The following LARS2 variants were observed in gnomAD, a reference collection of about 807,000 sequenced individuals.
LARS2 encodes leucyl-tRNA synthetase 2, mitochondrial, also known as leucine--tRNA ligase, mitochondrial.
A neutral mutation model predicts 116.6 loss-of-function variants in LARS2; 81 were observed. The observed-to-expected ratio is 0.69, with a 90% CI of 0.58 to 0.84. LARS2 has a LOEUF of 0.84. Ranked by LOEUF, LARS2 falls within the 40% of genes least tolerant of loss-of-function variation. LARS2 has a pLI of 0.00. For synonymous variants in LARS2, 396 were observed against 407.2 expected (o/e 0.97, Z 0.33); for missense variants, 968 against 1,114.5 (o/e 0.87, Z 1.87).
intron 19 of LARS2, 97 bp downstream of exon 19, chr3:45,520,393 A>C: frequency 1.3e-6 from 1 of 789,046 alleles, no homozygotes; most frequent in Non-Finnish European, 2.2e-6. Context: ...GAGCACCCCC[A>C]CTGTGTCACC....
At chr3:45,474,931 T>C (rs1320896969) in intron 9 of LARS2, among the ~76,000 whole-genome samples, 1 of 152,132 alleles carries the variant, frequency 6.6e-6, no homozygotes, top group Non-Finnish European at 1.5e-5. Context: ...AGCTTAGGGA[T>C]TGTGTTTGAA....
At chr3:45,512,240 T>A (rs572674188) in intron 15 of LARS2, among the ~76,000 whole-genome samples, 3 of 152,306 alleles carry the variant, frequency 2.0e-5, no homozygotes, top group African/African-American at 7.2e-5. Flanking sequence ...AAATGAGTGC[T>A]CCTACCTGAT....
intron 20 of LARS2, among the ~76,000 whole-genome samples, chr3:45,533,117 T>G: frequency 6.6e-6 from 1 of 151,244 alleles, no homozygotes; most frequent in East Asian, 1.9e-4. Flanking sequence ...GCTCTTTCAT[T>G]TAGCTTTGGT....
chr3:45,474,591 A>G (rs1699582231), intron 9 of LARS2, among the ~76,000 whole-genome samples: 1 of 152,240 alleles, frequency 6.6e-6, no homozygotes, highest in African/African-American at 2.4e-5. Flanking sequence ...GGCTCAATAA[A>G]AAATGATTTA....
chr3:45,517,547 C>T (rs1226341255), intron 17 of LARS2, among the ~76,000 whole-genome samples: 1 of 152,206 alleles, frequency 6.6e-6, no homozygotes, highest in African/African-American at 2.4e-5. Flanking sequence ...TCCAAAGCAC[C>T]ATGTTAACTC....
At chr3:45,426,584 A>G (rs1178428793) in intron 6 of LARS2, among the ~76,000 whole-genome samples, 2 of 152,160 alleles carry the variant, frequency 1.3e-5, no homozygotes, top group African/African-American at 4.8e-5. Flanking sequence ...GTTGACACAT[A>G]AGGGGTAGTG....
intron 10 of LARS2, among the ~76,000 whole-genome samples, chr3:45,481,396 T>C (rs1201510702): frequency 3.9e-5 from 6 of 152,236 alleles, no homozygotes; most frequent in Non-Finnish European, 5.9e-5. Context: ...GTAGAATTGC[T>C]GGGCCATGAA....
chr3:45,400,140 T>C, intron 3 of LARS2, 105 bp from the exon 4 acceptor site: 1 of 1,124,942 alleles, frequency 8.9e-7, no homozygotes, highest in Non-Finnish European at 1.2e-6. Context: ...AAAGGAAACT[T>C]TTAAAATGTT....
intron 1 of LARS2, 191 bp downstream of exon 1, chr3:45,388,871 C>A (rs373260201): frequency 6.6e-6 from 1 of 152,194 alleles, no homozygotes; most frequent in Non-Finnish European, 1.5e-5. Flanking sequence ...AGCCACCGAC[C>A]CCATTGATAG....
Position 45,449,404 on chromosome 3 carries a change from T to C in LARS2, c.606+2424T>C, listed in dbSNP as rs1438920331. ...CTTGAACTCCCAAACTCAGGTGATCTGCCCGCCTCAGCCTCCCAAAGTGCT... is the reference window on the plus strand; with the variant it reads ...CTTGAACTCCCAAACTCAGGTGATCCGCCCGCCTCAGCCTCCCAAAGTGCT... On this transcript the variant is annotated intron_variant, in intron 7 of 21. Coordinates refer to ENST00000645846, the MANE Select transcript of LARS2 (RefSeq NM_015340.4). Among the ~76,000 whole-genome samples, 6 of 152,156 alleles carry C rather than the reference T, an allele frequency of 3.9e-5. No homozygotes were observed. The East Asian group carries it at 1.2e-3, about 29-fold the overall frequency.
intron 12 of LARS2, among the ~76,000 whole-genome samples, chr3:45,489,762 T>G (rs578021571): frequency 6.6e-6 from 1 of 152,298 alleles, no homozygotes; most frequent in East Asian, 1.9e-4. Context: ...TACTGATGCC[T>G]GGGTCTCACT....
intron 3 of LARS2, among the ~76,000 whole-genome samples, chr3:45,397,926 C>T (rs1249612555): frequency 6.6e-6 from 1 of 152,172 alleles, no homozygotes; most frequent in South Asian, 2.1e-4. Flanking sequence ...TCCCACCAAC[C>T]CCTGAATCTC....
chr3:45,394,105 G>A (rs1032780371), intron 2 of LARS2, among the ~76,000 whole-genome samples: 3 of 152,200 alleles, frequency 2.0e-5, no homozygotes, highest in Non-Finnish European at 4.4e-5. Flanking sequence ...GAGAGTCCCT[G>A]GGCTGGCCCA....
chr3:45,546,748 G>T (rs1700881183), intron 21 of LARS2, among the ~76,000 whole-genome samples: 1 of 152,160 alleles, frequency 6.6e-6, no homozygotes, highest in South Asian at 2.1e-4. Context: ...ACCTGTGTCT[G>T]GAACTGTACT....
chr3:45,539,161 C>G (rs1305607952), intron 20 of LARS2, among the ~76,000 whole-genome samples: 1 of 149,220 alleles, frequency 6.7e-6, no homozygotes, highest in African/African-American at 2.5e-5. Context: ...ACAGTAAACA[C>G]AAAAGAAATT....
chr3:45,406,957 C>G (rs1698243351), intron 4 of LARS2, among the ~76,000 whole-genome samples: 2 of 152,266 alleles, frequency 1.3e-5, no homozygotes, highest in African/African-American at 4.8e-5. Flanking sequence ...TCCCCACCTC[C>G]CACCTCGGCT....
chr3:45,450,870 T>C (rs1160934765), intron 7 of LARS2, among the ~76,000 whole-genome samples: 1 of 152,236 alleles, frequency 6.6e-6, no homozygotes, highest in Admixed American at 6.5e-5. Flanking sequence ...CATCTTTTAA[T>C]AGAAGCCATT....
intron 15 of LARS2, chr3:45,509,218 A>G (rs757234985): frequency 1.3e-5 from 2 of 152,122 alleles, no homozygotes; most frequent in Non-Finnish European, 2.9e-5. Flanking sequence ...TTAGAGTTGC[A>G]GATTTTCCAC....
At chr3:45,460,568 C>T (rs1699299673) in intron 8 of LARS2, among the ~76,000 whole-genome samples, 1 of 152,178 alleles carries the variant, frequency 6.6e-6, no homozygotes, top group Non-Finnish European at 1.5e-5. Flanking sequence ...GGTGACTCAC[C>T]TGGTTCTTGC....
Sources: gnomAD v4.1 joint callset for allele counts (sites outside exome capture counted in the v4.1 genomes callset) on GRCh38, gnomAD v4.1.1 for gene constraint, MANE v1.5 for transcripts, NCBI Gene and HGNC (gene_info 2026-07-23, HGNC 2026-07-21) for gene names.